Variants in KDM6A observed in about 807,000 individuals in gnomAD.
The protein encoded by KDM6A is lysine demethylase 6A.
KDM6A carries 11 observed loss-of-function variants against 117.6 expected under a neutral mutation model. The observed-to-expected ratio is 0.09, with a 90% confidence interval of 0.06 to 0.15. The LOEUF (loss-of-function observed/expected upper bound fraction) is 0.15, where lower values mean the gene tolerates loss of function less well. KDM6A is among the 10% of genes least tolerant of loss of function. KDM6A has a pLI of 1.00. For synonymous variants in KDM6A, 384 were observed against 396.1 expected, an observed-to-expected ratio of 0.97 and a Z score of 0.36; for missense variants, 799 against 1,077.3, an observed-to-expected ratio of 0.74 and a Z score of 3.62.
chrX:45,091,151 T>G (rs939097414), intron 27 of KDM6A, among the ~76,000 whole-genome samples: 2 of 111,637 alleles, frequency 1.8e-5, no homozygotes, highest in African/African-American at 6.5e-5. Flanking sequence ...AACTTTAGTT[T>G]TAATATGAAA....
Position 45,051,499 on chromosome X carries a change from T to C in KDM6A, c.655-210T>C, listed in dbSNP as rs551807439. Among the ~76,000 whole-genome samples, 24 of 112,351 alleles carry C rather than the reference T, an allele frequency of 2.1e-4. No individual in the cohort carries two copies. In the South Asian group the frequency reaches 8.4e-3, roughly 40 times the overall value. On this transcript the variant is annotated intron_variant, in intron 8 of 29. Coordinates refer to ENST00000611820, the MANE Select transcript of KDM6A (RefSeq NM_001291415.2). ...TTTAATGATACTTCGTTATAGTGAATGTCAGTTTTACTGGTGTTAGGTACT... is the reference window on the plus strand; with the variant it reads ...TTTAATGATACTTCGTTATAGTGAACGTCAGTTTTACTGGTGTTAGGTACT...
intron 6 of KDM6A, among the ~76,000 whole-genome samples, chrX:45,032,956 G>A (rs2042660824): frequency 8.9e-6 from 1 of 112,252 alleles, no homozygotes; most frequent in South Asian, 3.6e-4. Context: ...ATGAAATGTA[G>A]GCTAGGCTGT....
intron 2 of KDM6A, among the ~76,000 whole-genome samples, chrX:44,884,515 T>A (rs1233421460): frequency 1.8e-5 from 2 of 111,799 alleles, no homozygotes; most frequent in Non-Finnish European, 3.8e-5. Flanking sequence ...AAAGTAGAAG[T>A]AGTAATACAT....
At chrX:45,051,859 T>C (rs924871638) in intron 9 of KDM6A, 57 bp downstream of exon 9, 3 of 675,764 alleles carry the variant, frequency 4.4e-6, no homozygotes, top group Non-Finnish European at 7.0e-6. Flanking sequence ...GTTTTTTCCA[T>C]GTCGAGTGTG....
In KDM6A at chrX:45,079,614, G is replaced by A. The variant is rs1315884907; in HGVS notation, c.3300+263G>A. Among the ~76,000 whole-genome samples, 3 of 111,814 alleles carry A rather than the reference G, an allele frequency of 2.7e-5. No homozygotes were observed. The East Asian group carries it at 8.4e-4, about 31-fold the overall frequency. Reference sequence around the variant, plus strand: ...GCTAGAGCGCAGTGGCACGATCTTGGCTCACTGCACCCTCTGCCTCCCAGG... The same window carrying A: ...GCTAGAGCGCAGTGGCACGATCTTGACTCACTGCACCCTCTGCCTCCCAGG... On this transcript the variant is annotated intron_variant, in intron 21 of 29. Coordinates refer to ENST00000611820, the MANE Select transcript of KDM6A (RefSeq NM_001291415.2).
At chrX:45,037,793 C>A in intron 8 of KDM6A, 104 bp downstream of exon 8, 1 of 626,006 alleles carries the variant, frequency 1.6e-6, no homozygotes, top group Non-Finnish European at 2.5e-6. Context: ...TAATGGAGTT[C>A]TGGGCGTTAC....
chrX:45,068,758 C>CCCCTCTCT (rs1252919831), intron 17 of KDM6A, among the ~76,000 whole-genome samples: 3 of 107,174 alleles, frequency 2.8e-5, no homozygotes, highest in African/African-American at 1.0e-4. Flanking sequence ...TTCCCTCTCT[C>CCCCTCTCT]CCCTCTCTCC....
chrX:45,080,706 C>A (rs1383159637), intron 21 of KDM6A, among the ~76,000 whole-genome samples: 2 of 112,239 alleles, frequency 1.8e-5, no homozygotes, highest in Admixed American at 9.5e-5. Context: ...TAAAAACTAT[C>A]CTGTGACTTT....
Position 45,069,681 on chromosome X carries a change from A to G in KDM6A, c.2182A>G (p.Ile728Val), listed in dbSNP as rs895491732. 2.5e-6 allele frequency: 3 copies of G among 1,210,021 alleles called. No individual in the cohort carries two copies. Among genetic ancestry groups the G allele is most frequent in the Non-Finnish European group, 3.4e-6 (3 of 894,535 alleles). The stretch of plus-strand genomic sequence containing the variant: ...GCATCTCCAGGCAGCTGGCTCTGGT[A>G]TTCAGAATCAGAACGGACATCCCAC... ...SQHLQAAGSGIQNQNGHPTLP... is the reference protein window; with the variant it reads ...SQHLQAAGSGVQNQNGHPTLP... The change falls in exon 18 of 30, where the codon ATT becomes GTT. Residue 728 changes from isoleucine to valine, a missense_variant. Coordinates refer to ENST00000611820, the MANE Select transcript of KDM6A (RefSeq NM_001291415.2).
intron 7 of KDM6A, among the ~76,000 whole-genome samples, chrX:45,035,685 AATTATT>A (rs59024398): frequency 1.5e-4 from 16 of 108,616 alleles, no homozygotes; most frequent in East Asian, 2.9e-4. Flanking sequence ...TTGAAAAATA[AATTATT>A]ATTATTATTA....
chrX:44,892,674 T>G (rs1220495176), intron 2 of KDM6A, among the ~76,000 whole-genome samples: 2 of 97,336 alleles, frequency 2.1e-5, no homozygotes, highest in African/African-American at 7.7e-5. Flanking sequence ...CCTGGGCGAC[T>G]GAGCGAGACT....
intron 2 of KDM6A, among the ~76,000 whole-genome samples, chrX:44,903,890 G>T (rs1191617971): frequency 9.0e-6 from 1 of 111,096 alleles, no homozygotes; most frequent in Non-Finnish European, 1.9e-5. Context: ...TCATATTTTT[G>T]TTTACTTGAG....
At chrX:44,909,050 A>G (rs905293043) in intron 2 of KDM6A, among the ~76,000 whole-genome samples, 1 of 112,219 alleles carries the variant, frequency 8.9e-6, no homozygotes, top group African/African-American at 3.2e-5. Flanking sequence ...CAAATCAGGA[A>G]GTGGAACAGT....
At chrX:45,087,918 A>T (rs1016416521) in intron 25 of KDM6A, among the ~76,000 whole-genome samples, 1 of 111,760 alleles carries the variant, frequency 8.9e-6, no homozygotes, top group Admixed American at 9.5e-5. Flanking sequence ...TCACATAAAG[A>T]TTGTTGCTTT....
intron 17 of KDM6A, among the ~76,000 whole-genome samples, chrX:45,068,397 C>T (rs1347017077): frequency 1.8e-5 from 2 of 110,380 alleles, no homozygotes; most frequent in Non-Finnish European, 3.8e-5. Flanking sequence ...AGTGATCTTC[C>T]TCTAGTCTTA....
rs2148141971 is a variant in KDM6A, at chrX:45,082,637, ATAAG to A, written c.3365+3_3365+6del. On this transcript the variant is annotated splice_donor_variant and coding_sequence_variant, in exon 22 of 30. Coordinates refer to ENST00000611820, the MANE Select transcript of KDM6A (RefSeq NM_001291415.2). LOFTEE classifies it high-confidence loss of function. Reference sequence around the variant, plus strand: ...TCAGATAGTGAATCTACATCGTCAGATAAGTAAGTCATTTTTAATGTCCACTTAG... The same window carrying A: ...TCAGATAGTGAATCTACATCGTCAGATAAGTCATTTTTAATGTCCACTTAG... The A allele has an allele frequency of 1.7e-6, 2 of 1,182,381 alleles. No individual in the cohort carries two copies. Among genetic ancestry groups the A allele is most frequent in the East Asian group, 3.0e-5 (1 of 33,696 alleles).
Position 45,112,020 on chromosome X carries a change from T to G in KDM6A, c.*609T>G. On this transcript the variant is annotated 3_prime_UTR_variant, in exon 30 of 30. Coordinates refer to ENST00000611820, the MANE Select transcript of KDM6A (RefSeq NM_001291415.2). ...CATAGACTAAGGAATAAACTTCAGATTTGTGATTTTTGTTTCTAATCTTGA... is the reference window on the plus strand; with the variant it reads ...CATAGACTAAGGAATAAACTTCAGAGTTGTGATTTTTGTTTCTAATCTTGA... 1 of 168,071 alleles carries G rather than the reference T, an allele frequency of 5.9e-6. No homozygotes were observed. Among genetic ancestry groups the G allele is most frequent in the East Asian group, 8.8e-5 (1 of 11,417 alleles). 13.9% of individuals were successfully genotyped at this position (168,071 alleles called of 1,213,427 possible).
At chrX:44,958,604 CTTTTTTT>C (rs34006049) in intron 2 of KDM6A, among the ~76,000 whole-genome samples, 40 of 56,458 alleles carry the variant, frequency 7.1e-4, no homozygotes, top group African/African-American at 1.1e-3. Flanking sequence ...CTATATAGAC[CTTTTTTT>C]TTTTTTTTTT....
At chrX:44,994,072 A>C (rs2040750913) in intron 4 of KDM6A, among the ~76,000 whole-genome samples, 1 of 111,735 alleles carries the variant, frequency 8.9e-6, no homozygotes, top group Admixed American at 9.5e-5. Flanking sequence ...ATTTTCCCAC[A>C]TACCCATAAC....
Sources: allele counts gnomAD v4.1 joint callset (sites outside exome capture counted in the v4.1 genomes callset), GRCh38; gene constraint gnomAD v4.1.1; transcripts MANE v1.5; gene names NCBI Gene and HGNC (gene_info 2026-07-23, HGNC 2026-07-21).